Variants in TRHDE observed in about 807,000 individuals in gnomAD.
The protein encoded by TRHDE is thyrotropin-releasing hormone-degrading ectoenzyme.
TRHDE carries 72 observed loss-of-function variants against 125.7 expected under a neutral mutation model. That is an observed-to-expected ratio of 0.57 (90% CI 0.47 to 0.70). The LOEUF (loss-of-function observed/expected upper bound fraction) is 0.70, where lower values mean the gene tolerates loss of function less well. Among genes scored for constraint, TRHDE ranks in the 30% least tolerant of loss-of-function variants. TRHDE has a pLI of 0.00. For synonymous variants in TRHDE, 509 were observed against 509.1 expected (o/e 1.00, Z 0.00); for missense variants, 1,110 against 1,327.1 (o/e 0.84, Z 2.54).
At chr12:72,210,067 C>T (rs565133293) in intron 2 of TRHDE, among the ~76,000 whole-genome samples, 1 of 152,154 alleles carries the variant, frequency 6.6e-6, no homozygotes, top group African/African-American at 2.4e-5. Context: ...GATGTTTTTC[C>T]AGTTAATTTT....
At chr12:72,391,676 G>A (rs1872615987) in intron 3 of TRHDE, among the ~76,000 whole-genome samples, 2 of 152,062 alleles carry the variant, frequency 1.3e-5, no homozygotes, top group African/African-American at 4.8e-5. Context: ...GGTTGATGAT[G>A]TTTAGGATCA....
chr12:72,385,703 T>C (rs1872381698), intron 3 of TRHDE, among the ~76,000 whole-genome samples: 2 of 152,146 alleles, frequency 1.3e-5, no homozygotes, highest in African/African-American at 4.8e-5. Flanking sequence ...CTCTATAATA[T>C]GGCCATTTAA....
chr12:72,544,517 A>G (rs1160287389), intron 7 of TRHDE, among the ~76,000 whole-genome samples: 1 of 151,358 alleles, frequency 6.6e-6, no homozygotes, highest in African/African-American at 2.4e-5. Context: ...TGTTTTTCAT[A>G]TATGTTTTTA....
chr12:72,207,996 C>T (rs963288043), intron 2 of TRHDE, among the ~76,000 whole-genome samples: 15 of 152,126 alleles, frequency 9.9e-5, no homozygotes, highest in East Asian at 3.8e-4. Context: ...GTGCTGGTGC[C>T]GTGCTGAGCA....
intron 2 of TRHDE, among the ~76,000 whole-genome samples, chr12:72,296,475 T>G (rs1365159717): frequency 2.0e-5 from 3 of 152,040 alleles, no homozygotes; most frequent in Non-Finnish European, 2.9e-5. Flanking sequence ...GACAAAGAAC[T>G]GTCTCTGTTC....
intron 3 of TRHDE, among the ~76,000 whole-genome samples, chr12:72,378,443 T>G (rs2074510686): frequency 6.6e-6 from 1 of 152,104 alleles, no homozygotes; most frequent in African/African-American, 2.4e-5. Flanking sequence ...AAAACTACCA[T>G]GAGGGTAGGT....
At chr12:72,311,395 G>A (rs7488259) in intron 2 of TRHDE, among the ~76,000 whole-genome samples, 47,250 of 151,946 alleles carry the variant, frequency 0.31, 7,576 homozygotes, top group African/African-American at 0.38. Context: ...GGGCAGCTGA[G>A]TAAAGATGTT....
chr12:72,583,874 A>C lies in TRHDE; in HGVS notation c.2321+8332A>C, dbSNP rs1871334966. ...ATACCAGGTACTTATGAGAAGTACA[A>C]ATCTCCTGAGGCATTAAGGGCAGGC... On this transcript the variant is annotated intron_variant, in intron 12 of 18. Coordinates refer to ENST00000261180, the MANE Select transcript of TRHDE (RefSeq NM_013381.3). 1.3e-5 allele frequency among the ~76,000 whole-genome samples: 2 copies of C among 151,944 alleles called. 1 individual carries two copies.
intron 1 of TRHDE, among the ~76,000 whole-genome samples, chr12:72,094,344 G>A (rs886864621): frequency 6.6e-6 from 1 of 151,892 alleles, no homozygotes; most frequent in Admixed American, 6.6e-5. Context: ...ACAGGGCTGA[G>A]TAAGGGGCCA....
intron 1 of TRHDE, chr12:72,274,586 G>C (rs1879410385): frequency 6.6e-6 from 1 of 152,196 alleles, no homozygotes. Flanking sequence ...AACCCTATGA[G>C]GTAGACGCTA....
intron 3 of TRHDE, among the ~76,000 whole-genome samples, chr12:72,443,192 C>CTGTGTGTGTGTGTGTG (rs58277850): frequency 6.9e-6 from 1 of 144,416 alleles, no homozygotes; most frequent in African/African-American, 2.5e-5. Context: ...TACTTCTTTC[C>CTGTGTGTGTGTGTGTG]TGTGTGTGTG....
chr12:72,342,653 A>G (rs1293393071), intron 2 of TRHDE, among the ~76,000 whole-genome samples: 1 of 152,140 alleles, frequency 6.6e-6, no homozygotes, highest in African/African-American at 2.4e-5. Flanking sequence ...TTTAACTAGT[A>G]TCTTTGAGGA....
intron 6 of TRHDE, among the ~76,000 whole-genome samples, chr12:72,530,749 A>T (rs530574067): frequency 6.6e-6 from 1 of 151,300 alleles, no homozygotes; most frequent in South Asian, 2.1e-4. Context: ...TTATTAAAGA[A>T]ATCTTTCCTG....
intron 5 of TRHDE, among the ~76,000 whole-genome samples, chr12:72,498,478 T>A (rs1878010465): frequency 6.6e-6 from 1 of 152,160 alleles, no homozygotes; most frequent in African/African-American, 2.4e-5. Context: ...AATTTAAGCG[T>A]TGGAGTCTTA....
intron 2 of TRHDE, among the ~76,000 whole-genome samples, chr12:72,321,799 A>G (rs1869108707): frequency 6.6e-6 from 1 of 152,132 alleles, no homozygotes; most frequent in Non-Finnish European, 1.5e-5. Context: ...TTTGTAAATA[A>G]TGTATAATTT....
At chr12:72,243,262 A>G (rs1341476084) in intron 2 of TRHDE, among the ~76,000 whole-genome samples, 2 of 152,208 alleles carry the variant, frequency 1.3e-5, no homozygotes, top group African/African-American at 4.8e-5. Context: ...CTTGCTGCCA[A>G]AAGTATCTTA....
At chr12:72,361,831 C>T (rs1468349961) in intron 2 of TRHDE, among the ~76,000 whole-genome samples, 1 of 131,290 alleles carries the variant, frequency 7.6e-6, no homozygotes, top group Non-Finnish European at 1.6e-5. Flanking sequence ...TTTGTTCTTG[C>T]AATAGTTTAC....
chr12:72,640,152 C>T (rs1221322252), intron 15 of TRHDE, among the ~76,000 whole-genome samples: 1 of 152,148 alleles, frequency 6.6e-6, no homozygotes, highest in Non-Finnish European at 1.5e-5. Context: ...TAGCAATCAG[C>T]GAGACTCCGT....
At chr12:72,591,927 T>G (rs1482726216) in intron 12 of TRHDE, among the ~76,000 whole-genome samples, 1 of 152,096 alleles carries the variant, frequency 6.6e-6, no homozygotes, top group Non-Finnish European at 1.5e-5. Flanking sequence ...GATTTTTATC[T>G]TTGACTTTTG....
Sources: allele counts gnomAD v4.1 joint callset (sites outside exome capture counted in the v4.1 genomes callset), GRCh38; gene constraint gnomAD v4.1.1; transcripts MANE v1.5; gene names NCBI Gene and HGNC (gene_info 2026-07-23, HGNC 2026-07-21).